Variants in ITPR2 observed in about 807,000 individuals in gnomAD.
ITPR2 encodes the protein inositol 1,4,5-trisphosphate-gated calcium channel ITPR2.
In ITPR2, 207 loss-of-function variants were observed where a neutral mutation model predicts 317.1. That is an observed-to-expected ratio of 0.65 (90% CI 0.58 to 0.73). The LOEUF (loss-of-function observed/expected upper bound fraction) is 0.73, where lower values mean the gene tolerates loss of function less well. Among genes scored for constraint, ITPR2 ranks in the 30% least tolerant of loss-of-function variants. The pLI, the probability that ITPR2 is intolerant of heterozygous loss-of-function variation, is 0.00. For synonymous variants in ITPR2, 1,156 were observed against 1,149.1 expected (o/e 1.01, Z -0.12); for missense variants, 2,613 against 3,284.0 (o/e 0.80, Z 4.99).
chr12:26,439,944 G>A (rs994331509), intron 46 of ITPR2, among the ~76,000 whole-genome samples: 25 of 143,490 alleles, frequency 1.7e-4, no homozygotes, highest in African/African-American at 5.4e-4. Context: ...ACTAAAAAAA[G>A]GCTGAATATT....
chr12:26,588,035 G>C (rs924925926), intron 32 of ITPR2, among the ~76,000 whole-genome samples: 1 of 152,208 alleles, frequency 6.6e-6, no homozygotes, highest in African/African-American at 2.4e-5. Context: ...TGAATGCCTA[G>C]AGTGAGTAAT....
chr12:26,663,844 T>C lies in ITPR2; in HGVS notation c.1554A>G (p.Val518=). Residue 518 remains valine, a splice_region_variant and synonymous_variant, in exon 15 of 57, where the codon GTA becomes GTG. Coordinates refer to ENST00000381340, the MANE Select transcript of ITPR2 (RefSeq NM_002223.4). ...LMREQNILAQ[V]FGILKAPFKE... is the part of the protein sequence containing the mutation. The stretch of plus-strand genomic sequence containing the variant: ...TAAAGGGTGCTTTAAGAATTCCAAA[T>C]ACCTATCAGGAATAAAAACAGCCAC... The C allele has an allele frequency of 6.2e-7, 1 of 1,606,674 alleles. No individual in the cohort carries two copies. Among genetic ancestry groups the C allele is most frequent in the African/African-American group, 1.3e-5 (1 of 74,608 alleles).
chr12:26,584,895 G>A (rs1037979721), intron 32 of ITPR2, among the ~76,000 whole-genome samples: 1 of 152,126 alleles, frequency 6.6e-6, no homozygotes, highest in South Asian at 2.1e-4. Flanking sequence ...CTAAATATCT[G>A]AGGTGATATC....
intron 13 of ITPR2, among the ~76,000 whole-genome samples, chr12:26,671,073 T>C (rs370720715): frequency 1.3e-5 from 2 of 152,004 alleles, no homozygotes; most frequent in Admixed American, 1.3e-4. Flanking sequence ...CTACGTCTGA[T>C]TGGTGTACCT....
intron 1 of ITPR2, among the ~76,000 whole-genome samples, chr12:26,796,669 C>A (rs974882741): frequency 6.6e-6 from 1 of 151,970 alleles, no homozygotes; most frequent in African/African-American, 2.4e-5. Context: ...GTGTTCACGG[C>A]AAAACTGTTT....
intron 16 of ITPR2, 43 bp downstream of exon 16, chr12:26,659,070 G>T: frequency 6.7e-7 from 1 of 1,487,578 alleles, no homozygotes; most frequent in Non-Finnish European, 9.2e-7. Context: ...ACATAAAGCC[G>T]CAATCTCCAC....
intron 4 of ITPR2, among the ~76,000 whole-genome samples, chr12:26,724,012 A>T: frequency 6.6e-6 from 1 of 152,172 alleles, no homozygotes; most frequent in East Asian, 1.9e-4. Flanking sequence ...CCTTACCCCG[A>T]TTTCAATTTA....
At chr12:26,443,383 CT>C (rs1478270373) in intron 46 of ITPR2, among the ~76,000 whole-genome samples, 159 bp downstream of exon 46, 5 of 152,036 alleles carry the variant, frequency 3.3e-5, no homozygotes. Flanking sequence ...CCTCAGTTTC[CT>C]ATAAATCACT....
At chr12:26,440,809 G>A (rs1397826638) in intron 46 of ITPR2, among the ~76,000 whole-genome samples, 2 of 152,094 alleles carry the variant, frequency 1.3e-5, no homozygotes, top group Non-Finnish European at 2.9e-5. Context: ...ATTATTATAA[G>A]CCAAGCTCTT....
intron 55 of ITPR2, among the ~76,000 whole-genome samples, chr12:26,342,658 G>A (rs894974690): frequency 7.9e-5 from 12 of 152,114 alleles, no homozygotes; most frequent in Admixed American, 5.2e-4. Flanking sequence ...TGTCCAGGCT[G>A]AAGTGCAATG....
In ITPR2 at chr12:26,716,166, A is replaced by G. The variant is rs1454141184; in HGVS notation, c.602T>C (p.Leu201Pro). 13 of 1,612,940 alleles carry G rather than the reference A, an allele frequency of 8.1e-6. No individual in the cohort carries two copies. The highest frequency in any genetic ancestry group is 9.3e-6 in the Non-Finnish European group (11 of 1,179,232). Residue 201 changes from leucine (L) to proline (P), a missense_variant, in exon 6 of 57, where the codon CTT (leucine) becomes CCT (proline). Transcript: ENST00000381340. ...QPLHASNIEL[L>P]DNPGCKEVNA... ...TACCTCTTTACACCCTGGGTTATCA[A>G]GAAGCTCTATGTTGCTGGCATGTAG...
chr12:26,377,653 G>A (rs189228406), intron 55 of ITPR2, among the ~76,000 whole-genome samples: 1 of 152,272 alleles, frequency 6.6e-6, no homozygotes, highest in African/African-American at 2.4e-5. Flanking sequence ...TTCACTAGAA[G>A]AAGGCATAGC....
intron 37 of ITPR2, among the ~76,000 whole-genome samples, chr12:26,500,998 C>G (rs1291353643): frequency 6.6e-6 from 1 of 152,074 alleles, no homozygotes; most frequent in Non-Finnish European, 1.5e-5. Context: ...AAAATATAAT[C>G]AAGATATCAT....
chr12:26,781,990 CTGTATATATATATATATATA>C (rs1298884041), intron 2 of ITPR2, among the ~76,000 whole-genome samples: 3 of 60,318 alleles, frequency 5.0e-5, no homozygotes, highest in African/African-American at 2.0e-4. Flanking sequence ...ATAAACTCCC[CTGTATATATATATATATATA>C]TATATATATA....
At chr12:26,661,364 C>T (rs1189908455) in intron 15 of ITPR2, among the ~76,000 whole-genome samples, 1 of 150,572 alleles carries the variant, frequency 6.6e-6, no homozygotes, top group Non-Finnish European at 1.5e-5. Context: ...TGATCCCTGG[C>T]CAAGACTGAG....
At chr12:26,698,558 A>G (rs1339864013) in intron 9 of ITPR2, among the ~76,000 whole-genome samples, 4 of 152,202 alleles carry the variant, frequency 2.6e-5, no homozygotes, top group Non-Finnish European at 5.9e-5. Context: ...GTGTGAGGGA[A>G]GGGAGTATGG....
At chr12:26,707,452 T>C (rs1437055712) in intron 9 of ITPR2, among the ~76,000 whole-genome samples, 1 of 152,004 alleles carries the variant, frequency 6.6e-6, no homozygotes, top group Non-Finnish European at 1.5e-5. Flanking sequence ...TTCTAGGAGG[T>C]TGTCACTCAA....
chr12:26,541,392 A>C (rs368253210), intron 37 of ITPR2, among the ~76,000 whole-genome samples: 3 of 152,196 alleles, frequency 2.0e-5, no homozygotes, highest in East Asian at 3.8e-4. Flanking sequence ...GATGGTACAC[A>C]GTTGCAGCAT....
At chr12:26,343,289 A>T (rs575084613) in intron 55 of ITPR2, among the ~76,000 whole-genome samples, 1 of 152,256 alleles carries the variant, frequency 6.6e-6, no homozygotes, top group Non-Finnish European at 1.5e-5. Flanking sequence ...GATTGTGGAC[A>T]GAAAATAGAA....
Sources: allele counts gnomAD v4.1 joint callset (sites outside exome capture counted in the v4.1 genomes callset), GRCh38; gene constraint gnomAD v4.1.1; transcripts MANE v1.5; gene names NCBI Gene and HGNC (gene_info 2026-07-23, HGNC 2026-07-21).